Variants in RPS6KA2 observed in about 807,000 individuals in gnomAD.
The protein encoded by RPS6KA2 is ribosomal protein S6 kinase alpha-2.
Under a neutral mutation model 91.8 loss-of-function variants are expected in RPS6KA2, and 42 were observed. That is an observed-to-expected ratio of 0.46 (90% CI 0.36 to 0.59). The LOEUF (loss-of-function observed/expected upper bound fraction) is 0.59. Ranked by LOEUF, RPS6KA2 falls within the 20% of genes least tolerant of loss-of-function variation. RPS6KA2 has a pLI of 0.00. For synonymous variants in RPS6KA2, 414 were observed against 393.6 expected, an observed-to-expected ratio of 1.05 and a Z score of -0.61; for missense variants, 798 against 978.5, an observed-to-expected ratio of 0.82 and a Z score of 2.46.
chr6:166,627,747 C>T (rs985484434), upstream of RPS6KA2: 2 of 152,280 alleles, frequency 1.3e-5, no homozygotes, highest in African/African-American at 4.8e-5. Context: ...GCTGCTCTTT[C>T]TTCCAGCTTG....
intron 6 of RPS6KA2, among the ~76,000 whole-genome samples, chr6:166,501,478 G>A (rs777127003): frequency 3.3e-5 from 5 of 152,230 alleles, no homozygotes; most frequent in Non-Finnish European, 7.3e-5. Flanking sequence ...TACATCTTGT[G>A]ATGAGACCTG....
At position 166,526,729 on chromosome 6, in the gene RPS6KA2, A is replaced by G. The variant is rs1319675281; in HGVS notation, c.298+4503T>C. On this transcript the variant is annotated intron_variant, in intron 3 of 20. Coordinates refer to ENST00000265678, the MANE Select transcript of RPS6KA2 (RefSeq NM_021135.6). ...CAAAATATTTTAAAAATAACTTTAC[A>G]TTACAAAAAAATTAGAGATATTTCA... 3.9e-5 allele frequency among the ~76,000 whole-genome samples: 6 copies of G among 152,338 alleles called. No homozygotes were observed. In the East Asian group the frequency reaches 1.2e-3, roughly 29 times the overall value.
At chr6:166,856,168 G>GT (rs1403443783) in intron 2 of RPS6KA2, among the ~76,000 whole-genome samples, 2 of 152,188 alleles carry the variant, frequency 1.3e-5, no homozygotes, top group African/African-American at 4.8e-5. Flanking sequence ...CTAAATGTTT[G>GT]TATTTCTCCA....
At chr6:166,851,815 G>A (rs1780752943) in intron 2 of RPS6KA2, among the ~76,000 whole-genome samples, 1 of 152,202 alleles carries the variant, frequency 6.6e-6, no homozygotes, top group African/African-American at 2.4e-5. Flanking sequence ...GCCCAGGAAT[G>A]ACAAATGACA....
chr6:166,421,995 G>T (rs1778736669), intron 17 of RPS6KA2, among the ~76,000 whole-genome samples: 1 of 152,140 alleles, frequency 6.6e-6, no homozygotes, highest in Non-Finnish European at 1.5e-5. Flanking sequence ...CACTTCCCGG[G>T]TTCAAGCGAT....
chr6:166,652,265 G>T (rs1178138502), intron 2 of RPS6KA2, among the ~76,000 whole-genome samples: 2 of 152,168 alleles, frequency 1.3e-5, no homozygotes, highest in Non-Finnish European at 2.9e-5. Context: ...TCGCTTCACT[G>T]TGCATTTTAT....
In RPS6KA2 at chr6:166,533,634, C is replaced by T. The variant is rs1187213945; in HGVS notation, c.217-2321G>A. ...TGAGGACACCTGGTGCAGGACAAAC[C>T]GGGCAGCCTGGTCACTGAGTCACTG... On this transcript the variant is annotated intron_variant, in intron 2 of 20. Coordinates refer to ENST00000265678, the MANE Select transcript of RPS6KA2 (RefSeq NM_021135.6). This position sits in a 1 kb window ranked among gnomAD's most constrained non-coding sequence, Gnocchi z 4.0. Among the ~76,000 whole-genome samples, 6 of 152,188 alleles carry T rather than the reference C, an allele frequency of 3.9e-5. No homozygotes were observed. The East Asian group carries it at 7.7e-4, about 20-fold the overall frequency.
intron 1 of RPS6KA2, among the ~76,000 whole-genome samples, chr6:166,541,557 C>G (rs548175367): frequency 3.3e-5 from 5 of 152,314 alleles, no homozygotes; most frequent in African/African-American, 9.6e-5. Flanking sequence ...GCCATGGACG[C>G]TGGCACCTCA....
At chr6:166,715,742 A>C (rs562081368) in intron 2 of RPS6KA2, among the ~76,000 whole-genome samples, 21 of 152,308 alleles carry the variant, frequency 1.4e-4, no homozygotes, top group Non-Finnish European at 2.6e-4. Flanking sequence ...GTGTATCCAA[A>C]CATAGAAAAG....
chr6:166,497,832 G>T (rs1781845622), intron 8 of RPS6KA2, among the ~76,000 whole-genome samples: 1 of 152,218 alleles, frequency 6.6e-6, no homozygotes, highest in South Asian at 2.1e-4. Context: ...TTCCTCCTGT[G>T]TGTGATGCAC....
chr6:166,655,745 G>A (rs1036892487), intron 2 of RPS6KA2, among the ~76,000 whole-genome samples: 2 of 152,212 alleles, frequency 1.3e-5, no homozygotes, highest in Non-Finnish European at 2.9e-5. Context: ...ACATGAAGCA[G>A]CCAGGACTCC....
At chr6:166,842,396 A>G (rs1163357278) in intron 2 of RPS6KA2, among the ~76,000 whole-genome samples, 2 of 152,172 alleles carry the variant, frequency 1.3e-5, no homozygotes, top group Admixed American at 6.5e-5. Flanking sequence ...CCCACCAGCC[A>G]AGGAACACCA....
intron 1 of RPS6KA2, among the ~76,000 whole-genome samples, chr6:166,624,978 C>G (rs1231640338): frequency 6.6e-6 from 1 of 152,118 alleles, no homozygotes; most frequent in Non-Finnish European, 1.5e-5. Context: ...GGATTACAGG[C>G]ACGCGCCACC....
intron 2 of RPS6KA2, among the ~76,000 whole-genome samples, chr6:166,710,175 T>C (rs1202877933): frequency 1.3e-5 from 2 of 152,224 alleles, no homozygotes; most frequent in African/African-American, 4.8e-5. Flanking sequence ...AAAAATACAA[T>C]GAAATCCCTG....
intron 2 of RPS6KA2, among the ~76,000 whole-genome samples, chr6:166,731,037 G>T (rs1350146816): frequency 6.6e-6 from 1 of 152,212 alleles, no homozygotes; most frequent in Non-Finnish European, 1.5e-5. Flanking sequence ...GAGGTCGGGC[G>T]TTTGAGACCA....
Position 166,418,835 on chromosome 6 carries a change from C to T in RPS6KA2, c.1821-493G>A, listed in dbSNP as rs1301174040. Among the ~76,000 whole-genome samples, 2 of 152,254 alleles carry T rather than the reference C, an allele frequency of 1.3e-5. No homozygotes were observed. Among genetic ancestry groups the T allele is most frequent in the Admixed American group, 6.5e-5 (1 of 15,288 alleles). On this transcript the variant is annotated intron_variant, in intron 18 of 20. Coordinates refer to ENST00000265678, the MANE Select transcript of RPS6KA2 (RefSeq NM_021135.6). This position sits in a 1 kb window ranked among gnomAD's most constrained non-coding sequence, Gnocchi z 4.9. Reference sequence around the variant, plus strand: ...TGCAGCTCTGGCCATATTCCAAGCGCGTGGGAGGTGTTCATGGTGTCCCAC... The same window carrying T: ...TGCAGCTCTGGCCATATTCCAAGCGTGTGGGAGGTGTTCATGGTGTCCCAC...
intron 1 of RPS6KA2, among the ~76,000 whole-genome samples, chr6:166,604,178 G>A (rs1370989826): frequency 6.6e-6 from 1 of 152,176 alleles, no homozygotes; most frequent in African/African-American, 2.4e-5. Context: ...ATTCCCCTGT[G>A]GACAGCTCTG....
At chr6:166,656,384 G>A (rs1020282654) in intron 2 of RPS6KA2, among the ~76,000 whole-genome samples, 4 of 152,318 alleles carry the variant, frequency 2.6e-5, no homozygotes, top group East Asian at 1.9e-4. Context: ...ACCCAAAGGC[G>A]TCTTCCTCTG....
intron 19 of RPS6KA2, among the ~76,000 whole-genome samples, chr6:166,417,091 A>T (rs1004365162): frequency 6.6e-6 from 1 of 152,196 alleles, no homozygotes; most frequent in East Asian, 1.9e-4. Flanking sequence ...GAATTTGATG[A>T]TGCCAAGTAA....
Sources: allele counts gnomAD v4.1 joint callset (sites outside exome capture counted in the v4.1 genomes callset), GRCh38; gene constraint gnomAD v4.1.1; non-coding constraint Gnocchi (gnomAD v3.1); transcripts MANE v1.5; gene names NCBI Gene and HGNC (gene_info 2026-07-23, HGNC 2026-07-21).